The following APBB2 variants were observed in gnomAD, a reference collection of about 807,000 sequenced individuals.
The protein encoded by APBB2 is amyloid beta precursor protein binding family B member 2.
APBB2 carries 38 observed loss-of-function variants against 82.5 expected under a neutral mutation model. The observed-to-expected ratio is 0.46, with a 90% CI of 0.36 to 0.60. The LOEUF is 0.60. Among genes scored for constraint, APBB2 ranks in the 20% least tolerant of loss-of-function variants. APBB2 has a pLI of 0.00. For synonymous variants in APBB2, 341 were observed against 368.2 expected, an observed-to-expected ratio of 0.93 and a Z score of 0.85; for missense variants, 772 against 972.3, an observed-to-expected ratio of 0.79 and a Z score of 2.74.
At chr4:41,058,246 A>C (rs1015445287) in intron 4 of APBB2, among the ~76,000 whole-genome samples, 35 of 151,976 alleles carry the variant, frequency 2.3e-4, no homozygotes, top group African/African-American at 8.0e-4. Flanking sequence ...ACAAAATAAG[A>C]CTGCAAATCT....
chr4:40,881,519 T>A, intron 12 of APBB2: 1 of 244,976 alleles, frequency 4.1e-6, no homozygotes, highest in Non-Finnish European at 5.8e-6. Flanking sequence ...TCCTTTTATC[T>A]TTTCTTTTCT....
At chr4:40,854,172 G>A (rs565905239) in intron 12 of APBB2, among the ~76,000 whole-genome samples, 2 of 152,262 alleles carry the variant, frequency 1.3e-5, no homozygotes, top group South Asian at 4.2e-4. Flanking sequence ...TTCATCAACT[G>A]GGTTATTTAT....
At chr4:41,205,457 G>A (rs1375746022) in intron 1 of APBB2, among the ~76,000 whole-genome samples, 1 of 152,084 alleles carries the variant, frequency 6.6e-6, no homozygotes, top group Non-Finnish European at 1.5e-5. Context: ...CAGCCCTCTA[G>A]GGAAAAGCTC....
At chr4:41,180,686 G>C (rs1286530915) in intron 1 of APBB2, among the ~76,000 whole-genome samples, 1 of 151,980 alleles carries the variant, frequency 6.6e-6, no homozygotes. Context: ...AGTAAATGTG[G>C]GCACATGTTT....
At chr4:40,999,960 G>A (rs994563322) in intron 6 of APBB2, among the ~76,000 whole-genome samples, 1 of 151,568 alleles carries the variant, frequency 6.6e-6, no homozygotes, top group Admixed American at 6.6e-5. Context: ...TTGAGAGGCC[G>A]TTGAGCCCAG....
intron 5 of APBB2, among the ~76,000 whole-genome samples, chr4:41,020,009 G>C (rs1299806387): frequency 5.3e-5 from 8 of 152,048 alleles, no homozygotes; most frequent in Non-Finnish European, 1.2e-4. Flanking sequence ...GAGACAGAAA[G>C]TCAAAGAGAG....
chr4:40,928,032 A>T (rs1783072266), intron 10 of APBB2, among the ~76,000 whole-genome samples: 1 of 152,240 alleles, frequency 6.6e-6, no homozygotes, highest in East Asian at 1.9e-4. Context: ...TTAAAGTAAC[A>T]TGAGCACAGC....
chr4:41,172,265 A>G (rs1272151406), intron 1 of APBB2, among the ~76,000 whole-genome samples: 1 of 149,022 alleles, frequency 6.7e-6, no homozygotes, highest in Non-Finnish European at 1.5e-5. Context: ...AGCTTCGATC[A>G]TTACTTCAAG....
At chr4:40,968,146 C>T (rs1795109107) in intron 6 of APBB2, among the ~76,000 whole-genome samples, 1 of 152,178 alleles carries the variant, frequency 6.6e-6, no homozygotes. Flanking sequence ...TTGGTGTCAT[C>T]TTCTCCCCAT....
intron 3 of APBB2, among the ~76,000 whole-genome samples, chr4:41,072,582 T>C (rs1490306480): frequency 2.6e-5 from 4 of 152,338 alleles, no homozygotes; most frequent in Non-Finnish European, 5.9e-5. Flanking sequence ...TCTGAACACA[T>C]ACTTGGGCTG....
At chr4:40,833,685 C>T (rs1049709069) in intron 12 of APBB2, among the ~76,000 whole-genome samples, 1 of 152,186 alleles carries the variant, frequency 6.6e-6, no homozygotes, top group African/African-American at 2.4e-5. Context: ...CCTGCTTCCA[C>T]TTAGCTATAC....
intron 3 of APBB2, among the ~76,000 whole-genome samples, chr4:41,070,663 A>G (rs983984170): frequency 6.6e-6 from 1 of 152,194 alleles, no homozygotes; most frequent in Non-Finnish European, 1.5e-5. Flanking sequence ...AACTTTAATA[A>G]TAAAGCTTCC....
rs1259309008 is a variant in APBB2, at chr4:40,907,345, TTACATATATATATA to T, written c.1255-13948_1255-13935del. 2.5e-3 allele frequency among the ~76,000 whole-genome samples: 259 copies of T among 104,960 alleles called. 3 individuals are homozygous for T. The highest frequency in any genetic ancestry group is 7.7e-3 in the East Asian group (26 of 3,366). The allele number at this position is 104,960 out of a possible 152,430, so 68.9% of individuals were successfully genotyped here. A position where few individuals can be genotyped will look rare whatever the true frequency, so the allele number is the denominator to read the frequency against. ...GCTTTATTTAATTTAATTTAATATA[TTACATATATATATA>T]TATATATATATATATATATATTTTT... is the stretch of plus-strand genomic sequence containing the variant. On this transcript the variant is annotated intron_variant, in intron 10 of 17. Coordinates refer to ENST00000508593, the MANE Select transcript of APBB2 (RefSeq NM_004307.2).
At chr4:41,193,480 G>A (rs1775021070) in intron 1 of APBB2, 1 of 671,390 alleles carries the variant, frequency 1.5e-6, no homozygotes, top group Non-Finnish European at 1.8e-6. Flanking sequence ...AAGAACTGAA[G>A]GGCACCAAAA....
At chr4:40,968,271 T>C (rs893998379) in intron 6 of APBB2, among the ~76,000 whole-genome samples, 1 of 152,178 alleles carries the variant, frequency 6.6e-6, no homozygotes, top group African/African-American at 2.4e-5. Flanking sequence ...TGAGTACCTA[T>C]TAGTCAATAT....
chr4:41,117,396 A>T (rs1367364363), intron 2 of APBB2, among the ~76,000 whole-genome samples: 2 of 150,976 alleles, frequency 1.3e-5, no homozygotes, highest in Non-Finnish European at 3.0e-5. Context: ...AGGTTCAAGC[A>T]ATTCTCCTGC....
intron 15 of APBB2, among the ~76,000 whole-genome samples, chr4:40,824,838 C>T (rs181102642): frequency 3.9e-4 from 60 of 152,240 alleles, no homozygotes; most frequent in African/African-American, 1.4e-3. Flanking sequence ...AGAGAAACCC[C>T]GTGCCTGGTA....
At chr4:40,945,521 G>A (rs573830834) in intron 6 of APBB2, among the ~76,000 whole-genome samples, 26 of 152,288 alleles carry the variant, frequency 1.7e-4, no homozygotes, top group African/African-American at 6.3e-4. Context: ...GTAAATGAGT[G>A]CTGTATTTAT....
intron 12 of APBB2, among the ~76,000 whole-genome samples, chr4:40,838,670 C>T (rs571400381): frequency 6.6e-6 from 1 of 152,256 alleles, no homozygotes; most frequent in Non-Finnish European, 1.5e-5. Context: ...AGTTTCACCA[C>T]ATTGGGCAGG....
Sources: allele counts gnomAD v4.1 joint callset (sites outside exome capture counted in the v4.1 genomes callset), GRCh38; gene constraint gnomAD v4.1.1; transcripts MANE v1.5; gene names NCBI Gene and HGNC (gene_info 2026-07-23, HGNC 2026-07-21).